The following TRERF1 variants were observed in gnomAD, a reference collection of about 807,000 sequenced individuals.
TRERF1 encodes transcriptional-regulating factor 1.
A neutral mutation model predicts 122.9 loss-of-function variants in TRERF1; 27 were observed. The observed-to-expected ratio is 0.22, with a 90% CI of 0.16 to 0.30. The LOEUF is 0.30. Ranked by LOEUF, TRERF1 falls within the 10% of genes least tolerant of loss-of-function variation. TRERF1 has a pLI of 1.00. For synonymous variants in TRERF1, 636 were observed against 641.7 expected (o/e 0.99, Z 0.13); for missense variants, 1,248 against 1,560.3 (o/e 0.80, Z 3.37).
At chr6:42,227,073 C>G (rs1294497634) in exon 18 of TRERF1, 1 of 152,284 alleles carries the variant, frequency 6.6e-6, no homozygotes, top group Non-Finnish European at 1.5e-5. Flanking sequence ...CAAGTACAAA[C>G]AGCAACCCTG....
chr6:42,300,283 T>C (rs1785937399), intron 4 of TRERF1, among the ~76,000 whole-genome samples: 1 of 152,198 alleles, frequency 6.6e-6, no homozygotes, highest in African/African-American at 2.4e-5. Context: ...TCTCAGGTCG[T>C]GGACTGAGTA....
At chr6:42,386,159 C>T (rs1776763816) in intron 2 of TRERF1, among the ~76,000 whole-genome samples, 1 of 152,068 alleles carries the variant, frequency 6.6e-6, no homozygotes, top group Non-Finnish European at 1.5e-5. Flanking sequence ...AGTTTGAGGC[C>T]GACATGGTGA....
At chr6:42,264,720 G>A in exon 7 of TRERF1, 2 of 1,614,074 alleles carry the variant, frequency 1.2e-6, no homozygotes, top group East Asian at 2.2e-5. Flanking sequence ...GAGGTTGGGG[G>A]AGGCCCTCAT....
intron 2 of TRERF1, among the ~76,000 whole-genome samples, chr6:42,400,318 G>GATGA (rs1456044087): frequency 4.6e-5 from 7 of 152,218 alleles, no homozygotes; most frequent in Non-Finnish European, 1.0e-4. Flanking sequence ...GATGACAGCT[G>GATGA]CGCAGCCCAG....
At chr6:42,292,234 G>A (rs990913939) in intron 4 of TRERF1, among the ~76,000 whole-genome samples, 1 of 152,202 alleles carries the variant, frequency 6.6e-6, no homozygotes, top group Non-Finnish European at 1.5e-5. Context: ...GCATGATTGA[G>A]TTGGTTTGGT....
In TRERF1 at chr6:42,265,816, G is replaced by C; in HGVS notation, c.1438-19C>G. On this transcript the variant is annotated intron_variant, in intron 5 of 17. Coordinates refer to ENST00000372922, the Ensembl canonical transcript of TRERF1. ...GGTGCATCTAATTTTGAGCCAAACA[G>C]GACACCGAAAAAAAGAAGAGAAAAA... is the stretch of plus-strand genomic sequence containing the variant. 6.2e-7 allele frequency: 1 copy of C among 1,612,152 alleles called. No homozygotes were observed. The highest frequency in any genetic ancestry group is 8.5e-7 in the Non-Finnish European group (1 of 1,179,122).
intron 3 of TRERF1, among the ~76,000 whole-genome samples, chr6:42,324,813 AG>A (rs1324663229): frequency 6.6e-6 from 1 of 152,236 alleles, no homozygotes; most frequent in Non-Finnish European, 1.5e-5. Flanking sequence ...AAGAAAACCT[AG>A]GAAATAGTCA....
chr6:42,433,676 A>C (rs947849031), intron 2 of TRERF1, among the ~76,000 whole-genome samples: 1 of 152,154 alleles, frequency 6.6e-6, no homozygotes. Context: ...GATCAATAAA[A>C]ACAAACCTCA....
chr6:42,260,284 C>T (rs778796883), intron 8 of TRERF1, among the ~76,000 whole-genome samples: 48 of 151,874 alleles, frequency 3.2e-4, no homozygotes, highest in Non-Finnish European at 4.9e-4. Context: ...CTCTAAGGGC[C>T]CTTCCATGTG....
chr6:42,368,993 TG>T (rs1773278482), intron 2 of TRERF1, among the ~76,000 whole-genome samples: 1 of 152,186 alleles, frequency 6.6e-6, no homozygotes, highest in Non-Finnish European at 1.5e-5. Flanking sequence ...CAATGTTAGC[TG>T]CATTTCTGAA....
chr6:42,417,643 G>A (rs189718542), intron 2 of TRERF1, among the ~76,000 whole-genome samples: 112 of 152,320 alleles, frequency 7.4e-4, no homozygotes, highest in African/African-American at 1.9e-3. Context: ...GCTGAAGACC[G>A]GCATCTGCCC....
chr6:42,275,195 T>C lies in TRERF1; in HGVS notation c.-258-5347A>G, dbSNP rs564446854. ...AGTCAATCTCACAGAATTCTTATAA[T>C]ACCAACTCAGGATTCAAGTCTTTAT... On this transcript the variant is annotated intron_variant, in intron 4 of 17. Coordinates refer to ENST00000372922, the Ensembl canonical transcript of TRERF1. This position sits in a 1 kb window ranked among gnomAD's most constrained non-coding sequence, Gnocchi z 4.1. Among the ~76,000 whole-genome samples, 8 of 152,252 alleles carry C rather than the reference T, an allele frequency of 5.3e-5. No individual in the cohort carries two copies. Among genetic ancestry groups the C allele is most frequent in the Non-Finnish European group, 1.2e-4 (8 of 68,046 alleles).
intron 2 of TRERF1, among the ~76,000 whole-genome samples, chr6:42,440,512 T>C (rs1427819592): frequency 6.6e-6 from 1 of 152,126 alleles, no homozygotes; most frequent in African/African-American, 2.4e-5. Flanking sequence ...CATAGTAAGC[T>C]TTCTATAAAT....
intron 2 of TRERF1, among the ~76,000 whole-genome samples, chr6:42,417,763 C>T (rs907076171): frequency 6.6e-6 from 1 of 152,164 alleles, no homozygotes; most frequent in Non-Finnish European, 1.5e-5. Context: ...CTGTGGGCTC[C>T]AGGGAGTAAC....
intron 2 of TRERF1, among the ~76,000 whole-genome samples, chr6:42,411,982 G>A (rs975474773): frequency 1.4e-5 from 2 of 143,972 alleles, no homozygotes; most frequent in African/African-American, 5.2e-5. Flanking sequence ...CCAATTATTT[G>A]AATTTTTTTA....
chr6:42,441,083 C>G (rs1434076895), intron 2 of TRERF1, among the ~76,000 whole-genome samples: 2 of 152,234 alleles, frequency 1.3e-5, no homozygotes, highest in East Asian at 3.9e-4. Context: ...TTCCCCTCCC[C>G]AACTCGAGCT....
chr6:42,254,247 T>C (rs1282535928), intron 13 of TRERF1, among the ~76,000 whole-genome samples: 1 of 152,234 alleles, frequency 6.6e-6, no homozygotes, highest in Non-Finnish European at 1.5e-5. Flanking sequence ...GCCTCTGAGC[T>C]GCACGACGTA....
intron 2 of TRERF1, among the ~76,000 whole-genome samples, chr6:42,425,124 AAGGGCCCAGAG>A (rs928215165): frequency 3.3e-5 from 5 of 152,140 alleles, no homozygotes; most frequent in Admixed American, 2.0e-4. Flanking sequence ...GAAGAGAGGG[AAGGGCCCAGAG>A]AGGGTGGGGG....
intron 3 of TRERF1, among the ~76,000 whole-genome samples, chr6:42,329,700 T>A (rs1285544006): frequency 6.6e-6 from 1 of 152,074 alleles, no homozygotes; most frequent in Non-Finnish European, 1.5e-5. Flanking sequence ...GTTGAAAATG[T>A]ACTGATTTGG....
Sources: allele counts gnomAD v4.1 joint callset (sites outside exome capture counted in the v4.1 genomes callset), GRCh38; gene constraint gnomAD v4.1.1; non-coding constraint Gnocchi (gnomAD v3.1); transcripts MANE v1.5; gene names NCBI Gene and HGNC (gene_info 2026-07-23, HGNC 2026-07-21).